Variants in STARD4 observed in about 807,000 individuals in gnomAD.
STARD4 encodes the protein stAR-related lipid transfer protein 4.
Under a neutral mutation model 24.9 loss-of-function variants are expected in STARD4, and 33 were observed. The observed-to-expected ratio is 1.32, with a 90% CI of 1.00 to 1.77. The LOEUF (loss-of-function observed/expected upper bound fraction) is 1.77. Ranked by LOEUF, STARD4 falls within the 40% of genes most tolerant of loss-of-function variation. STARD4 has a pLI of 0.00. For missense variants in STARD4, 238 were observed against 249.3 expected, an observed-to-expected ratio of 0.95 and a Z score of 0.31; for synonymous variants, 88 against 77.4, an observed-to-expected ratio of 1.14 and a Z score of -0.72.
chr5:111,510,903 A>C (rs1561543469), intron 1 of STARD4, among the ~76,000 whole-genome samples: 1 of 152,350 alleles, frequency 6.6e-6, no homozygotes, highest in East Asian at 1.9e-4. Context: ...GGACTTTTGT[A>C]GTACGACTAG....
chr5:111,502,159 C>A, intron 3 of STARD4, 71 bp from the exon 4 acceptor site: 1 of 1,520,052 alleles, frequency 6.6e-7, no homozygotes, highest in Non-Finnish European at 8.8e-7. Context: ...TAGTGCATAG[C>A]TAACTTTGAA....
chr5:111,503,376 A>G (rs1297461475), intron 3 of STARD4, among the ~76,000 whole-genome samples: 1 of 152,226 alleles, frequency 6.6e-6, no homozygotes, highest in Non-Finnish European at 1.5e-5. Context: ...CATGCCTGTA[A>G]TCCCAGCACT....
At chr5:111,502,904 T>C (rs1452698024) in intron 3 of STARD4, among the ~76,000 whole-genome samples, 5 of 152,124 alleles carry the variant, frequency 3.3e-5, no homozygotes, top group African/African-American at 1.2e-4. Context: ...CATGTACCCT[T>C]CGTCCTCAAA....
At position 111,498,842 on chromosome 5, in the gene STARD4, C is replaced by T. The variant is rs1756244001; in HGVS notation, c.*1044G>A. The T allele has an allele frequency of 1.3e-5, 2 of 152,156 alleles. No individual in the cohort carries two copies. The highest frequency in any genetic ancestry group is 2.4e-5 in the African/African-American group (1 of 41,444). 9.4% of individuals were successfully genotyped at this position (152,156 alleles called of 1,614,324 possible). On this transcript the variant is annotated 3_prime_UTR_variant, in exon 6 of 6. Transcript: ENST00000296632. ...AGCAAAAAACAGCTCCACTGTTCCA[C>T]TTTGTCAAAATGGGTATGAAGAACT...
At chr5:111,500,478 A>T in intron 5 of STARD4, 1 of 1,044,082 alleles carries the variant, frequency 9.6e-7, no homozygotes, top group Non-Finnish European at 1.1e-6. Context: ...TGGCTAGTTA[A>T]GAATAAACAA....
At chr5:111,501,889 A>G in intron 4 of STARD4, 73 bp downstream of exon 4, 1 of 1,583,968 alleles carries the variant, frequency 6.3e-7, no homozygotes, top group South Asian at 1.1e-5. Context: ...GCTCATGCTC[A>G]CATGCTCTGG....
chr5:111,511,919 C>T (rs1198990877), intron 1 of STARD4, among the ~76,000 whole-genome samples: 2 of 152,180 alleles, frequency 1.3e-5, no homozygotes, highest in Non-Finnish European at 2.9e-5. Context: ...AAAACTTTGT[C>T]TCTTGTCTTT....
At position 111,499,801 on chromosome 5, in the gene STARD4, A is replaced by C; in HGVS notation, c.*85T>G. The C allele has an allele frequency of 7.8e-7, 1 of 1,283,218 alleles. No individual in the cohort carries two copies. The highest frequency in any genetic ancestry group is 1.1e-6 in the Non-Finnish European group (1 of 909,644). 79.5% of individuals were successfully genotyped at this position (1,283,218 alleles called of 1,614,324 possible). ...TTTCAAATTTTTCTACCGGCTATGC[A>C]GAAAAGTGGAATCAATGATTTTTAC... On this transcript the variant is annotated 3_prime_UTR_variant, in exon 6 of 6. Coordinates refer to ENST00000296632, the MANE Select transcript of STARD4 (RefSeq NM_139164.3).
In STARD4 at chr5:111,497,744, A is replaced by T. The variant is rs770947669; in HGVS notation, c.*2142T>A. ...GCAGCGGACTCAATTATTTATGTTA[A>T]TATCCATCCCAACCCACATCATTAA... On this transcript the variant is annotated 3_prime_UTR_variant, in exon 6 of 6. Coordinates refer to ENST00000296632, the MANE Select transcript of STARD4 (RefSeq NM_139164.3). 5.3e-5 allele frequency: 8 copies of T among 152,090 alleles called. No individual in the cohort carries two copies. The highest frequency in any genetic ancestry group is 7.4e-5 in the Non-Finnish European group (5 of 67,954). 9.4% of individuals were successfully genotyped at this position (152,090 alleles called of 1,614,324 possible).
chr5:111,504,885 A>G (rs1358904739), intron 3 of STARD4: 4 of 407,710 alleles, frequency 9.8e-6, no homozygotes, highest in East Asian at 7.2e-5. Flanking sequence ...TTGGCTCTCA[A>G]TAAACGTTGG....
chr5:111,506,481 A>G, intron 2 of STARD4, 102 bp from the exon 3 acceptor site: 1 of 471,894 alleles, frequency 2.1e-6, no homozygotes, highest in Non-Finnish European at 3.7e-6. Flanking sequence ...TTGCATTAAA[A>G]TAAAACCAGT....
At position 111,507,329 on chromosome 5, in the gene STARD4, C is replaced by T. The variant is rs764022615; in HGVS notation, c.105G>A (p.Thr35=). 3.7e-6 allele frequency: 6 copies of T among 1,609,572 alleles called. No individual in the cohort carries two copies. Among genetic ancestry groups the T allele is most frequent in the Non-Finnish European group, 3.4e-6 (4 of 1,177,818 alleles). Residue 35 remains threonine (T), a splice_region_variant and synonymous_variant, in exon 2 of 6, where the codon ACG becomes ACA. Coordinates refer to ENST00000296632, the MANE Select transcript of STARD4 (RefSeq NM_139164.3). This position sits in a 1 kb window ranked among gnomAD's most constrained non-coding sequence, Gnocchi z 4.4. ...EEDKWRVAKK[T]KDVTVWRKPS... ...AATATAAGTAATTGAACTAATTTACCGTTTTCTTAGCAACTCGCCACTTAT... is the reference window on the plus strand; with the variant it reads ...AATATAAGTAATTGAACTAATTTACTGTTTTCTTAGCAACTCGCCACTTAT...
chr5:111,507,376 G>A lies in STARD4; in HGVS notation c.58C>T (p.Gln20Ter). Residue 20 changes from glutamine (Q) to a stop codon, truncating the protein, a stop_gained, in exon 2 of 6, where the codon CAG becomes TAG. Coordinates refer to ENST00000296632, the MANE Select transcript of STARD4 (RefSeq NM_139164.3). LOFTEE classifies it high-confidence loss of function. This position sits in a 1 kb window ranked among gnomAD's most constrained non-coding sequence, Gnocchi z 4.4. ...TTATCTTCTTCAATGCTATGGTACTGGATGAGAGTGTTTTTAAGTTTAGTT... is the reference window on the plus strand; with the variant it reads ...TTATCTTCTTCAATGCTATGGTACTAGATGAGAGTGTTTTTAAGTTTAGTT... ...FATKLKNTLI[Q>*]YHSIEEDKWR... 6.2e-7 allele frequency: 1 copy of A among 1,613,662 alleles called. No individual in the cohort carries two copies. The highest frequency in any genetic ancestry group is 1.1e-5 in the South Asian group (1 of 90,994).
In STARD4 at chr5:111,501,056, C is replaced by T; in HGVS notation, c.343G>A (p.Glu115Lys). The T allele has an allele frequency of 6.2e-7, 1 of 1,612,782 alleles. No individual in the cohort carries two copies. The highest frequency in any genetic ancestry group is 8.5e-7 in the Non-Finnish European group (1 of 1,179,682). Residue 115 changes from glutamate to lysine, a missense_variant, in exon 5 of 6, where the codon GAA (glutamate) becomes AAA (lysine). Glu to Lys is a moderately conservative substitution (Grantham distance 56). Transcript: ENST00000296632. ...ACAGTATAGGAGAAATCAACAAATT[C>T]TCTTGGGGAAATTATATTCCAAAGC... is the stretch of plus-strand genomic sequence containing the variant. ...GQLWNIISPR[E>K]FVDFSYTVGY...
intron 3 of STARD4, chr5:111,505,112 A>T (rs1756758028): frequency 2.3e-6 from 1 of 439,312 alleles, no homozygotes. Flanking sequence ...TTCTGCCTAG[A>T]ACATGAACTC....
intron 1 of STARD4, among the ~76,000 whole-genome samples, chr5:111,509,088 C>T (rs994164507): frequency 4.6e-5 from 7 of 151,992 alleles, no homozygotes; most frequent in African/African-American, 1.7e-4. Flanking sequence ...TACCTAATTT[C>T]CATTCAAGAG....
chr5:111,502,129 A>C (rs769904581), intron 3 of STARD4, 41 bp from the exon 4 acceptor site: 1 of 1,599,020 alleles, frequency 6.3e-7, no homozygotes, highest in South Asian at 1.1e-5. Flanking sequence ...TTACAATAAA[A>C]AAATTTCAGC....
chr5:111,501,233 A>T, intron 4 of STARD4, 117 bp from the exon 5 acceptor site: 1 of 1,120,158 alleles, frequency 8.9e-7, no homozygotes, highest in Non-Finnish European at 1.2e-6. Context: ...TCATAATTAT[A>T]ATAATTCTTA....
chr5:111,511,589 C>G (rs1167853664), intron 1 of STARD4, among the ~76,000 whole-genome samples: 1 of 148,792 alleles, frequency 6.7e-6, no homozygotes, highest in Non-Finnish European at 1.5e-5. Context: ...GGGAAAATAG[C>G]AACAGGAAGG....
Sources: allele counts gnomAD v4.1 joint callset (sites outside exome capture counted in the v4.1 genomes callset), GRCh38; gene constraint gnomAD v4.1.1; non-coding constraint Gnocchi (gnomAD v3.1); transcripts MANE v1.5; gene names NCBI Gene and HGNC (gene_info 2026-07-23, HGNC 2026-07-21).